CSTPP1: variants seen among roughly 807,000 people sequenced by gnomAD.
The protein encoded by CSTPP1 is UPF0705 protein C11orf49.
At chr11:46,967,769 AT>A in the CSTPP1 span, among the ~76,000 whole-genome samples, 3 of 150,424 alleles carry the variant, frequency 2.0e-5, no homozygotes, top group African/African-American at 7.3e-5. Context: ...CTGGCAAAAA[AT>A]AATCTTAAAA....
chr11:47,053,636 A>G, the CSTPP1 span, among the ~76,000 whole-genome samples: 1 of 151,002 alleles, frequency 6.6e-6, no homozygotes, highest in Admixed American at 6.6e-5. Context: ...AAAAAAAAAG[A>G]AAAAAGAAAA....
chr11:46,962,560 A>G, the CSTPP1 span, among the ~76,000 whole-genome samples: 11 of 152,236 alleles, frequency 7.2e-5, no homozygotes, highest in African/African-American at 2.2e-4. Context: ...CTAACAACCT[A>G]CGAACATGGA....
chr11:46,948,655 T>G, the CSTPP1 span, among the ~76,000 whole-genome samples: 2 of 152,180 alleles, frequency 1.3e-5, no homozygotes, highest in East Asian at 1.9e-4. Flanking sequence ...CTGCTTTGTC[T>G]AAGAGTTTTA....
At chr11:47,127,954 G>A in the CSTPP1 span, among the ~76,000 whole-genome samples, 2 of 151,776 alleles carry the variant, frequency 1.3e-5, no homozygotes, top group East Asian at 3.9e-4. Context: ...TTGGCTCACT[G>A]CAACCTCCAC....
the CSTPP1 span, among the ~76,000 whole-genome samples, chr11:47,055,355 C>CCCTCCCCTCCCTT: frequency 8.3e-6 from 1 of 119,790 alleles, no homozygotes; most frequent in Non-Finnish European, 1.7e-5. Context: ...TCCCCTCCCT[C>CCCTCCCCTCCCTT]CCTCCCCTCC....
At chr11:46,943,097 T>A in the CSTPP1 span, among the ~76,000 whole-genome samples, 42 of 152,324 alleles carry the variant, frequency 2.8e-4, no homozygotes, top group South Asian at 1.7e-3. Flanking sequence ...TATCATTGTA[T>A]ACTCTCCTAC....
chr11:47,052,534 T>C, the CSTPP1 span: 1 of 1,611,018 alleles, frequency 6.2e-7, no homozygotes, highest in East Asian at 2.2e-5. Flanking sequence ...TCTTCCCAAA[T>C]TCTTTTTCCT....
At chr11:47,102,215 C>G in the CSTPP1 span, among the ~76,000 whole-genome samples, 1 of 151,580 alleles carries the variant, frequency 6.6e-6, no homozygotes, top group African/African-American at 2.4e-5. Flanking sequence ...TAGATCAGGT[C>G]CAGTGTGAAA....
At chr11:46,954,287 G>A in the CSTPP1 span, among the ~76,000 whole-genome samples, 2 of 152,304 alleles carry the variant, frequency 1.3e-5, no homozygotes, top group South Asian at 4.1e-4. Flanking sequence ...AGTAGCTTAT[G>A]CCTATAATCC....
chr11:46,965,228 TTTTTA>T, the CSTPP1 span, among the ~76,000 whole-genome samples: 1 of 129,948 alleles, frequency 7.7e-6, no homozygotes. Flanking sequence ...AGCTTTTTTT[TTTTTA>T]TTTTTTTTTG....
At chr11:47,064,865 C>T in the CSTPP1 span, among the ~76,000 whole-genome samples, 2 of 152,152 alleles carry the variant, frequency 1.3e-5, no homozygotes, top group Non-Finnish European at 2.9e-5. Flanking sequence ...CTGCTTCAGC[C>T]TCCTGTGTAG....
At chr11:47,062,557 A>G in the CSTPP1 span, among the ~76,000 whole-genome samples, 9 of 152,202 alleles carry the variant, frequency 5.9e-5, no homozygotes, top group Admixed American at 5.9e-4. Context: ...TCAAAGCTAT[A>G]CTATACTAAA....
the CSTPP1 span, chr11:47,162,076 CAGG>C: frequency 1.0e-6 from 1 of 988,866 alleles, no homozygotes; most frequent in Non-Finnish European, 1.2e-6. Context: ...ACGCAAGTAC[CAGG>C]AGGACATAAC....
the CSTPP1 span, chr11:46,936,763 G>A: frequency 6.2e-6 from 10 of 1,606,576 alleles, no homozygotes; most frequent in Non-Finnish European, 8.5e-6. Flanking sequence ...CCTGGGTTCC[G>A]GAAGCCGGAG....
chr11:47,155,085 C>T, the CSTPP1 span: 1,005 of 1,022,838 alleles, frequency 9.8e-4, 9 homozygotes, highest in African/African-American at 0.014. Flanking sequence ...CCCTCTCCCC[C>T]GCACTTTTCC....
chr11:47,138,256 T>A, the CSTPP1 span, among the ~76,000 whole-genome samples: 2 of 152,192 alleles, frequency 1.3e-5, no homozygotes, highest in Non-Finnish European at 2.9e-5. Context: ...CAGACGCTTA[T>A]AAAACCATCA....
the CSTPP1 span, among the ~76,000 whole-genome samples, chr11:47,032,182 A>G: frequency 1.3e-5 from 2 of 152,200 alleles, no homozygotes; most frequent in Non-Finnish European, 2.9e-5. Context: ...CAATATTAAC[A>G]TGACAAATAT....
At chr11:47,024,788 G>A in the CSTPP1 span, among the ~76,000 whole-genome samples, 4 of 152,104 alleles carry the variant, frequency 2.6e-5, no homozygotes, top group Non-Finnish European at 4.4e-5. Context: ...CTCTTTCTCT[G>A]TGGTCTTTAA....
the CSTPP1 span, among the ~76,000 whole-genome samples, chr11:47,066,319 A>C: frequency 2.6e-5 from 4 of 151,298 alleles, no homozygotes; most frequent in African/African-American, 9.7e-5. Context: ...CACTGTGTGA[A>C]ATTTGCACAT....
Sources: gnomAD v4.1 joint callset for allele counts (sites outside exome capture counted in the v4.1 genomes callset) on GRCh38, gnomAD v4.1.1 for gene constraint, MANE v1.5 for transcripts, NCBI Gene and HGNC (gene_info 2026-07-23, HGNC 2026-07-21) for gene names.